CSTF3: variants seen among roughly 807,000 people sequenced by gnomAD.
CSTF3 encodes CF-1 77 kDa subunit.
In CSTF3, 29 loss-of-function variants were observed where a neutral mutation model predicts 105.8. The observed-to-expected ratio is 0.27, with a 90% CI of 0.20 to 0.37. The LOEUF is 0.37. Among genes scored for constraint, CSTF3 ranks in the 10% least tolerant of loss-of-function variants. The probability of loss-of-function intolerance (pLI) is 1.00; values close to 1 mark genes in which losing one functional copy is unlikely to be tolerated. For synonymous variants in CSTF3, 252 were observed against 281.9 expected (o/e 0.89, Z 1.06); for missense variants, 357 against 879.3 (o/e 0.41, Z 7.51).
intron 15 of CSTF3, among the ~76,000 whole-genome samples, chr11:33,093,416 G>C (rs1312388552): frequency 6.6e-6 from 1 of 151,894 alleles, no homozygotes; most frequent in Admixed American, 6.6e-5. Context: ...TTCTTTACCT[G>C]GCTAACTACC....
At chr11:33,087,754 A>G (rs1222714453) in intron 17 of CSTF3, among the ~76,000 whole-genome samples, 2 of 152,222 alleles carry the variant, frequency 1.3e-5, no homozygotes, top group Non-Finnish European at 2.9e-5. Flanking sequence ...GAAGCTCACA[A>G]AGGTTTTGAT....
chr11:33,102,682 T>C (rs1855291723), intron 9 of CSTF3, among the ~76,000 whole-genome samples: 1 of 152,188 alleles, frequency 6.6e-6, no homozygotes, highest in Admixed American at 6.5e-5. Flanking sequence ...AAAATTTCAA[T>C]AGTTTGTATT....
At chr11:33,123,545 T>A (rs1855513544) in intron 3 of CSTF3, among the ~76,000 whole-genome samples, 1 of 152,098 alleles carries the variant, frequency 6.6e-6, no homozygotes, top group Non-Finnish European at 1.5e-5. Context: ...CAAATGGAAA[T>A]GATATGTACA....
At position 33,096,816 on chromosome 11, in the gene CSTF3, C is replaced by A; in HGVS notation, c.1272+19G>T. The A allele has an allele frequency of 3.1e-6, 5 of 1,592,734 alleles. No homozygotes were observed. The highest frequency in any genetic ancestry group is 4.3e-6 in the Non-Finnish European group (5 of 1,172,670). ...TGAAGGAAGTTGTTTTATCTTTACA[C>A]TTGTATTTCAGTATTTACCTTACTA... On this transcript the variant is annotated intron_variant, in intron 14 of 20. Transcript: ENST00000323959.
chr11:33,150,219 T>TAAAAAAAAAAAAAAAAAAA (rs10714096), intron 1 of CSTF3, among the ~76,000 whole-genome samples: 1 of 104,394 alleles, frequency 9.6e-6, no homozygotes, highest in African/African-American at 3.6e-5. Context: ...TGTCTCAAAC[T>TAAAAAAAAAAAAAAAAAAA]AAAAAAAAAA....
intron 3 of CSTF3, among the ~76,000 whole-genome samples, chr11:33,136,369 T>C (rs1466238052): frequency 1.3e-5 from 2 of 151,998 alleles, no homozygotes; most frequent in African/African-American, 4.8e-5. Context: ...AGTAATAAAA[T>C]TGAAAGTAAT....
chr11:33,128,419 G>A (rs1412946993), intron 3 of CSTF3, among the ~76,000 whole-genome samples: 1 of 151,450 alleles, frequency 6.6e-6, no homozygotes, highest in Admixed American at 6.6e-5. Flanking sequence ...GAATTGAACA[G>A]GAAGCTTCCA....
chr11:33,134,953 C>A (rs1416836239), intron 3 of CSTF3, among the ~76,000 whole-genome samples: 1 of 151,920 alleles, frequency 6.6e-6, no homozygotes, highest in Non-Finnish European at 1.5e-5. Flanking sequence ...CTAAATAAAC[C>A]AAAAATAAAT....
At chr11:33,145,767 T>A (rs1018074087) in intron 1 of CSTF3, among the ~76,000 whole-genome samples, 15 of 151,958 alleles carry the variant, frequency 9.9e-5, no homozygotes, top group African/African-American at 3.6e-4. Flanking sequence ...TGAGCAGAGA[T>A]GGCGCCACTG....
At chr11:33,137,430 T>A (rs766105364) in intron 3 of CSTF3, among the ~76,000 whole-genome samples, 10 of 151,848 alleles carry the variant, frequency 6.6e-5, no homozygotes, top group Non-Finnish European at 1.3e-4. Flanking sequence ...AGTGACAGCA[T>A]CTAAACATCT....
intron 10 of CSTF3, among the ~76,000 whole-genome samples, chr11:33,100,676 C>T (rs1855272850): frequency 6.6e-6 from 1 of 152,156 alleles, no homozygotes; most frequent in South Asian, 2.1e-4. Flanking sequence ...AAACTTACAG[C>T]AGCAGGACTT....
chr11:33,099,640 CA>C lies in CSTF3; in HGVS notation c.903del (p.Glu302SerfsTer13). 6.2e-7 allele frequency: 1 copy of C among 1,611,432 alleles called. No homozygotes were observed. Among genetic ancestry groups the C allele is most frequent in the Non-Finnish European group, 8.5e-7 (1 of 1,179,022 alleles). ...TCTGCGAGCAGTTTACTTGACTGCT[CA>C]AGATACTGGGCAGCTTCATACCAAA... The part of the protein sequence containing the change: ...PDIWYEAAQY[L>X]EQSSKLLAEK... On this transcript the variant is annotated frameshift_variant, in exon 11 of 21. Transcript: ENST00000323959. LOFTEE classifies it high-confidence loss of function. This position sits in a 1 kb window ranked among gnomAD's most constrained non-coding sequence, Gnocchi z 4.1.
At chr11:33,158,307 T>C (rs1285199819) in intron 1 of CSTF3, among the ~76,000 whole-genome samples, 1 of 152,112 alleles carries the variant, frequency 6.6e-6, no homozygotes, top group African/African-American at 2.4e-5. Flanking sequence ...TTTGGACAAG[T>C]TGAGTGTGCA....
intron 5 of CSTF3, 63 bp from the exon 6 acceptor site, chr11:33,106,127 A>G: frequency 7.8e-7 from 1 of 1,286,288 alleles, no homozygotes; most frequent in Non-Finnish European, 1.1e-6. Flanking sequence ...ATCTACAATT[A>G]GGCCAGACAT....
At chr11:33,143,339 A>T (rs1336877804) in intron 1 of CSTF3, among the ~76,000 whole-genome samples, 1 of 152,208 alleles carries the variant, frequency 6.6e-6, no homozygotes, top group African/African-American at 2.4e-5. Flanking sequence ...TTTTGAAAAA[A>T]ATGCCTAAAA....
chr11:33,146,196 C>A (rs920835391), intron 1 of CSTF3, among the ~76,000 whole-genome samples: 1 of 151,798 alleles, frequency 6.6e-6, no homozygotes, highest in African/African-American at 2.4e-5. Context: ...CAAGATCACA[C>A]CACTGCACTC....
At chr11:33,095,677 C>T (rs1201480001) in intron 15 of CSTF3, among the ~76,000 whole-genome samples, 10 of 151,222 alleles carry the variant, frequency 6.6e-5, no homozygotes, top group African/African-American at 2.2e-4. Flanking sequence ...AAAAATTAGC[C>T]GGGCGAGGTG....
chr11:33,130,169 G>A (rs759014315), intron 3 of CSTF3, among the ~76,000 whole-genome samples: 3 of 152,012 alleles, frequency 2.0e-5, no homozygotes, highest in Non-Finnish European at 1.5e-5. Context: ...ATCTCAATTA[G>A]TAAAAACTTC....
At chr11:33,097,012 TAGAC>T (rs1190575376) in intron 13 of CSTF3, 34 bp from the exon 14 acceptor site, 4 of 1,508,330 alleles carry the variant, frequency 2.7e-6, no homozygotes, top group East Asian at 2.3e-5. Context: ...TTCTATAAAT[TAGAC>T]AGTATGTTTC....
Sources: allele counts gnomAD v4.1 joint callset (sites outside exome capture counted in the v4.1 genomes callset), GRCh38; gene constraint gnomAD v4.1.1; non-coding constraint Gnocchi (gnomAD v3.1); transcripts MANE v1.5; gene names NCBI Gene and HGNC (gene_info 2026-07-23, HGNC 2026-07-21).